ARNT2: variants seen among roughly 807,000 people sequenced by gnomAD.
ARNT2 encodes the protein aryl hydrocarbon receptor nuclear translocator 2.
ARNT2 carries 36 observed loss-of-function variants against 91.7 expected under a neutral mutation model. The ratio of observed to expected loss-of-function variants is 0.39; its 90% CI spans 0.30 to 0.52. The LOEUF (loss-of-function observed/expected upper bound fraction) is 0.52, where lower values mean the gene tolerates loss of function less well. Among genes scored for constraint, ARNT2 ranks in the 20% least tolerant of loss-of-function variants. The pLI, the probability that ARNT2 is intolerant of heterozygous loss-of-function variation, is 0.72. For synonymous variants in ARNT2, 365 were observed against 347.1 expected (o/e 1.05, Z -0.57); for missense variants, 775 against 939.3 (o/e 0.83, Z 2.29).
chr15:80,473,926 A>G, intron 4 of ARNT2, among the ~76,000 whole-genome samples: 1 of 152,218 alleles, frequency 6.6e-6, no homozygotes, highest in South Asian at 2.1e-4. Context: ...ATTGCCAGCC[A>G]AAAGATGTTT....
chr15:80,486,470 A>G (rs1198405915), intron 5 of ARNT2, among the ~76,000 whole-genome samples: 1 of 152,200 alleles, frequency 6.6e-6, no homozygotes, highest in Non-Finnish European at 1.5e-5. Context: ...AGTGTTTTAA[A>G]AAAGCTGATA....
rs936193610 is a variant in ARNT2 at position 80,508,344 on chromosome 15, C to G, written c.725+86C>G. The G allele has an allele frequency of 7.2e-5, 98 of 1,354,260 alleles. 1 individual carries two copies. In the Middle Eastern group the frequency reaches 9.3e-4, roughly 13 times the overall value. 83.9% of individuals were successfully genotyped at this position (1,354,260 alleles called of 1,614,324 possible). On this transcript the variant is annotated intron_variant, in intron 6 of 18. Transcript: ENST00000303329. ...TTAAGAGCCTTGACCAGCTCTGCCG[C>G]AGTCACACATGCCAACGTGGGTTCA...
Position 80,426,192 on chromosome 15 carries a change from TAAAA to T in ARNT2, c.31+21649_31+21652del, listed in dbSNP as rs533139676. The stretch of plus-strand genomic sequence containing the variant: ...TAAGTACTCTTTAGAACTGGACACT[TAAAA>T]AAGAGGAGAATATCATTTATTGGAT... On this transcript the variant is annotated intron_variant, in intron 1 of 18. Transcript: ENST00000303329. Among the ~76,000 whole-genome samples, 72 of 152,216 alleles carry T rather than the reference TAAAA, an allele frequency of 4.7e-4. 1 individual carries two copies. In the South Asian group the frequency reaches 0.013, roughly 28 times the overall value.
intron 1 of ARNT2, among the ~76,000 whole-genome samples, chr15:80,430,737 C>A (rs11857822): frequency 0.011 from 1,731 of 152,242 alleles, 29 homozygotes; most frequent in African/African-American, 0.04. Context: ...GAGAAGTAAT[C>A]GGAACTGGGA....
chr15:80,563,595 G>C (rs562447576), intron 12 of ARNT2, among the ~76,000 whole-genome samples: 1 of 152,326 alleles, frequency 6.6e-6, no homozygotes, highest in Non-Finnish European at 1.5e-5. Flanking sequence ...TGCAGCAGCT[G>C]CTTGTGCCTG....
At chr15:80,447,346 G>A (rs1482298756) in intron 1 of ARNT2, among the ~76,000 whole-genome samples, 4 of 152,148 alleles carry the variant, frequency 2.6e-5, no homozygotes, top group Non-Finnish European at 5.9e-5. Flanking sequence ...ACAGCTGCAG[G>A]GTATGGTGGT....
chr15:80,457,747 G>A (rs1896500321), intron 2 of ARNT2, among the ~76,000 whole-genome samples, 182 bp from the exon 3 acceptor site: 1 of 152,186 alleles, frequency 6.6e-6, no homozygotes, highest in Admixed American at 6.5e-5. Context: ...CTTTCATTTT[G>A]CCTCTTCTTG....
At chr15:80,433,320 C>G (rs1896039495) in intron 1 of ARNT2, among the ~76,000 whole-genome samples, 1 of 135,610 alleles carries the variant, frequency 7.4e-6, no homozygotes, top group Non-Finnish European at 1.5e-5. Context: ...GAGTCTTGCT[C>G]TGTTGCCCAG....
chr15:80,509,714 A>G (rs73496325), intron 6 of ARNT2, among the ~76,000 whole-genome samples: 1,635 of 152,202 alleles, frequency 0.011, 18 homozygotes, highest in African/African-American at 0.038. Context: ...ACCTAAAGAA[A>G]GTGAGTGAAT....
At chr15:80,575,352 G>A (rs557954934) in intron 14 of ARNT2, among the ~76,000 whole-genome samples, 6 of 152,224 alleles carry the variant, frequency 3.9e-5, no homozygotes, top group Admixed American at 2.0e-4. Flanking sequence ...ATCGCATTGC[G>A]GGTGAACATG....
chr15:80,573,896 AC>A (rs1217240321), intron 12 of ARNT2, among the ~76,000 whole-genome samples: 3 of 152,200 alleles, frequency 2.0e-5, no homozygotes, highest in African/African-American at 7.2e-5. Context: ...GTATCTTTTG[AC>A]CCTGCATAAA....
intron 14 of ARNT2, 116 bp downstream of exon 14, chr15:80,575,226 C>A: frequency 7.3e-7 from 1 of 1,365,030 alleles, no homozygotes; most frequent in Non-Finnish European, 1.0e-6. Flanking sequence ...TTTTGAGTAA[C>A]CATTGCAGGG....
intron 4 of ARNT2, among the ~76,000 whole-genome samples, chr15:80,471,978 CA>C (rs75981958): frequency 0.022 from 3,314 of 152,248 alleles, 102 homozygotes; most frequent in East Asian, 0.13. Flanking sequence ...GGCAAGTTGG[CA>C]AATACTCTAA....
chr15:80,570,060 T>C (rs1390043520), intron 12 of ARNT2, among the ~76,000 whole-genome samples: 1 of 152,226 alleles, frequency 6.6e-6, no homozygotes, highest in Non-Finnish European at 1.5e-5. Context: ...CATGGAATAA[T>C]TGTCCTTGTT....
At chr15:80,502,033 G>A (rs1448167871) in intron 5 of ARNT2, among the ~76,000 whole-genome samples, 1 of 152,180 alleles carries the variant, frequency 6.6e-6, no homozygotes, top group Non-Finnish European at 1.5e-5. Flanking sequence ...TACAAAGCCA[G>A]CCATTGTGCA....
chr15:80,591,650 G>A lies in ARNT2; in HGVS notation c.2001G>A (p.Gln667=), dbSNP rs1393081369. 14 of 1,614,168 alleles carry A rather than the reference G, an allele frequency of 8.7e-6. No homozygotes were observed. Among genetic ancestry groups the A allele is most frequent in the Non-Finnish European group, 1.1e-5 (13 of 1,179,988 alleles). Residue 667 remains glutamine (Q), a synonymous_variant, in exon 18 of 19, where the codon CAG becomes CAA. Transcript: ENST00000303329. This position sits in a 1 kb window ranked among gnomAD's most constrained non-coding sequence, Gnocchi z 5.1. ...AGTGGCAAAGCCAGCACCATGGCCA[G>A]CAGAGCGGTGAGCAGCACTCCCACC... The part of the protein sequence containing the change: ...WSQWQSQHHG[Q]QSGEQHSHQQ...
chr15:80,446,634 G>A (rs987259826), intron 1 of ARNT2, among the ~76,000 whole-genome samples: 9 of 152,192 alleles, frequency 5.9e-5, no homozygotes, highest in African/African-American at 1.9e-4. Context: ...CAGGGTACAG[G>A]GCTGACCGGT....
At chr15:80,440,022 G>A (rs1018522489) in intron 1 of ARNT2, among the ~76,000 whole-genome samples, 3 of 152,186 alleles carry the variant, frequency 2.0e-5, no homozygotes, top group African/African-American at 7.2e-5. Flanking sequence ...CTGTCTTACT[G>A]CACAGGGCTC....
chr15:80,404,579 C>T lies in ARNT2; in HGVS notation c.31+33C>T. On this transcript the variant is annotated intron_variant, in intron 1 of 18. Transcript: ENST00000303329. This position sits in a 1 kb window ranked among gnomAD's most constrained non-coding sequence, Gnocchi z 5.5. ...GCGGCCTGGGCCCCGCCGCCCGCCG[C>T]AGCCCGCAGGCCTTGCCCGGGGCCG... 1 of 1,082,356 alleles carries T rather than the reference C, an allele frequency of 9.2e-7. No homozygotes were observed. 67.0% of individuals were successfully genotyped at this position (1,082,356 alleles called of 1,614,324 possible).
Sources: allele counts gnomAD v4.1 joint callset (sites outside exome capture counted in the v4.1 genomes callset), GRCh38; gene constraint gnomAD v4.1.1; non-coding constraint Gnocchi (gnomAD v3.1); transcripts MANE v1.5; gene names NCBI Gene and HGNC (gene_info 2026-07-23, HGNC 2026-07-21).